Variants in NCOR2 observed in about 807,000 individuals in gnomAD.
NCOR2 encodes nuclear receptor corepressor 2, also known as CTG repeat protein 26.
Under a neutral mutation model 262.9 loss-of-function variants are expected in NCOR2, and 81 were observed. The observed-to-expected ratio is 0.31, with a 90% CI of 0.26 to 0.37. The LOEUF is 0.37. NCOR2 is among the 10% of genes least tolerant of loss of function. The pLI is 1.00. For synonymous variants in NCOR2, 1,659 were observed against 1,559.3 expected (o/e 1.06, Z -1.51); for missense variants, 3,385 against 3,621.4 (o/e 0.93, Z 1.68).
chr12:124,472,037 A>G (rs2046855515), intron 4 of NCOR2, among the ~76,000 whole-genome samples: 1 of 152,212 alleles, frequency 6.6e-6, no homozygotes, highest in Non-Finnish European at 1.5e-5. Context: ...ATAAAACTTT[A>G]TTTACAAAAA....
chr12:124,414,406 CCAT>C (rs1285585215), intron 13 of NCOR2, among the ~76,000 whole-genome samples: 1 of 152,226 alleles, frequency 6.6e-6, no homozygotes, highest in African/African-American at 2.4e-5. Flanking sequence ...GTCATCATCA[CCAT>C]CATCGCCATC....
chr12:124,462,343 CAAG>C (rs2136604335), intron 5 of NCOR2, among the ~76,000 whole-genome samples: 1 of 152,262 alleles, frequency 6.6e-6, no homozygotes, highest in East Asian at 1.9e-4. Flanking sequence ...CCTACTCACC[CAAG>C]AAGCCCCAAG....
At chr12:124,451,688 G>T (rs1250005330) in intron 6 of NCOR2, among the ~76,000 whole-genome samples, 1 of 152,212 alleles carries the variant, frequency 6.6e-6, no homozygotes, top group Admixed American at 6.5e-5. Context: ...GGTACAGAGT[G>T]TGAGTGATCA....
intron 16 of NCOR2, among the ~76,000 whole-genome samples, chr12:124,395,569 T>C (rs2136171322): frequency 6.6e-6 from 1 of 152,276 alleles, no homozygotes; most frequent in African/African-American, 2.4e-5. Flanking sequence ...AACCTTGAGA[T>C]GGTGGGACAC....
intron 1 of NCOR2, among the ~76,000 whole-genome samples, chr12:124,516,791 G>C (rs1313148396): frequency 6.6e-6 from 1 of 150,758 alleles, no homozygotes; most frequent in African/African-American, 2.4e-5. Context: ...GAAATCCCAG[G>C]GGCCCCCCAC....
exon 11 of NCOR2, chr12:124,426,714 C>G: frequency 6.2e-7 from 1 of 1,611,382 alleles, no homozygotes; most frequent in Non-Finnish European, 8.5e-7. Flanking sequence ...TAAGCCCGTT[C>G]ATGTTGATGA....
intron 1 of NCOR2, among the ~76,000 whole-genome samples, 197 bp downstream of exon 2, chr12:124,535,368 G>A (rs947008679): frequency 1.3e-5 from 2 of 152,226 alleles, no homozygotes; most frequent in South Asian, 2.1e-4. Flanking sequence ...CCATCACTGG[G>A]GGACCCCGCA....
chr12:124,436,551 G>T (rs2044347014), intron 8 of NCOR2, among the ~76,000 whole-genome samples: 1 of 152,226 alleles, frequency 6.6e-6, no homozygotes, highest in African/African-American at 2.4e-5. Context: ...GCAGCCCCGT[G>T]GCTTGGGTGG....
At chr12:124,419,668 G>T (rs868154184) in intron 13 of NCOR2, among the ~76,000 whole-genome samples, 2 of 152,362 alleles carry the variant, frequency 1.3e-5, no homozygotes, top group South Asian at 2.1e-4. Context: ...ACCCAGTCAG[G>T]AGTCTGGGAT....
chr12:124,449,521 C>A (rs2045391300), intron 7 of NCOR2, among the ~76,000 whole-genome samples: 1 of 152,230 alleles, frequency 6.6e-6, no homozygotes, highest in South Asian at 2.1e-4. Flanking sequence ...GATGTACAGC[C>A]TGGGACCTCT....
chr12:124,337,970 C>T lies in NCOR2; in HGVS notation c.5688-790G>A, dbSNP rs539207499. Among the ~76,000 whole-genome samples, 7 of 152,364 alleles carry T rather than the reference C, an allele frequency of 4.6e-5. 1 individual carries two copies. The highest frequency in any genetic ancestry group is 7.2e-5 in the African/African-American group (3 of 41,582). The stretch of plus-strand genomic sequence containing the variant: ...CATTATATTTTTGAATCGGCTGTCA[C>T]GGGCATATCCCACAGAGCCTGTGTG... On this transcript the variant is annotated intron_variant, in intron 37 of 46. Coordinates refer to ENST00000405201, the Ensembl canonical transcript of NCOR2.
intron 1 of NCOR2, among the ~76,000 whole-genome samples, chr12:124,507,905 C>T (rs76862854): frequency 5.8e-4 from 89 of 152,344 alleles, no homozygotes; most frequent in African/African-American, 2.1e-3. Context: ...CTGCCGGAAA[C>T]GCCTCCTCCC....
At chr12:124,456,234 T>C (rs114244650) in intron 6 of NCOR2, among the ~76,000 whole-genome samples, 2 of 152,184 alleles carry the variant, frequency 1.3e-5, no homozygotes, top group Non-Finnish European at 2.9e-5. Context: ...TAGCCCACCA[T>C]GCACACAGAG....
At chr12:124,350,243 T>C (rs1477091115) in intron 28 of NCOR2, among the ~76,000 whole-genome samples, 1 of 152,132 alleles carries the variant, frequency 6.6e-6, no homozygotes, top group Admixed American at 6.5e-5. Context: ...GGCCATGGCC[T>C]CTTTCATGGC....
At chr12:124,387,872 C>G (rs575056038) in intron 16 of NCOR2, among the ~76,000 whole-genome samples, 184 of 140,790 alleles carry the variant, frequency 1.3e-3, no homozygotes, top group African/African-American at 4.6e-3. Flanking sequence ...CGAGAGGGGG[C>G]GGGTCTCCCA....
chr12:124,431,858 C>T (rs911567901), intron 8 of NCOR2, among the ~76,000 whole-genome samples: 1 of 150,564 alleles, frequency 6.6e-6, no homozygotes, highest in African/African-American at 2.5e-5. Flanking sequence ...GTCATATAGG[C>T]AGATACACAG....
rs112872214 is a variant in NCOR2, at chr12:124,552,318, C to CA, written c.-165+14989dup. ...TGGGCAACAGAGCAAGACCCTGTCT[C>CA]AAAAAAAAAAACCACTAAAGAAGAG... is the stretch of plus-strand genomic sequence containing the variant. On this transcript the variant is annotated intron_variant, in intron 1 of 32. Transcript: ENST00000458234. 8.2e-3 allele frequency among the ~76,000 whole-genome samples: 1,172 copies of CA among 142,302 alleles called. 12 individuals carry two copies. Among genetic ancestry groups the CA allele is most frequent in the African/African-American group, 0.024 (945 of 38,928 alleles). The allele number at this position is 142,302 out of a possible 152,430, so 93.4% of individuals were successfully genotyped here.
chr12:124,358,580 CAG>C (rs2135941374), intron 22 of NCOR2, among the ~76,000 whole-genome samples: 2 of 152,334 alleles, frequency 1.3e-5, no homozygotes, highest in South Asian at 4.1e-4. Context: ...TAAGCTCACA[CAG>C]AGACTGCTGC....
At chr12:124,341,444 G>C (rs1016477787) in intron 34 of NCOR2, among the ~76,000 whole-genome samples, 1 of 152,082 alleles carries the variant, frequency 6.6e-6, no homozygotes, top group Non-Finnish European at 1.5e-5. Flanking sequence ...TCACCATGTT[G>C]GTCAGACTGG....
Sources: allele counts gnomAD v4.1 joint callset (sites outside exome capture counted in the v4.1 genomes callset), GRCh38; gene constraint gnomAD v4.1.1; transcripts MANE v1.5; gene names NCBI Gene and HGNC (gene_info 2026-07-23, HGNC 2026-07-21).